Variants in NKTR observed in about 807,000 individuals in gnomAD.
NKTR encodes the protein NK-tumor recognition protein.
A neutral mutation model predicts 156.3 loss-of-function variants in NKTR; 67 were observed. That is an observed-to-expected ratio of 0.43 (90% CI 0.35 to 0.53). The LOEUF is 0.53. Among genes scored for constraint, NKTR ranks in the 20% least tolerant of loss-of-function variants. The pLI, the probability that NKTR is intolerant of heterozygous loss-of-function variation, is 0.01. For synonymous variants in NKTR, 640 were observed against 596.6 expected (o/e 1.07, Z -1.06); for missense variants, 1,604 against 1,730.9 (o/e 0.93, Z 1.30).
At chr3:42,622,931 T>G (rs1385510380) in intron 6 of NKTR, among the ~76,000 whole-genome samples, 4 of 152,158 alleles carry the variant, frequency 2.6e-5, no homozygotes, top group Non-Finnish European at 4.4e-5. Context: ...TAGATTTCCT[T>G]TTTTATATCA....
chr3:42,639,339 A>T lies in NKTR; in HGVS notation c.3635A>T (p.Glu1212Val). ...GCTGGAGAAAGTACCGGGAAGAAGG[A>T]GGTGGCTGAGAAGAGCCAGATCAAC... ...ASAGESTGKKEVAEKSQINLI... is the reference protein window; with the variant it reads ...ASAGESTGKKVVAEKSQINLI... Residue 1212 changes from glutamate (E) to valine (V), a missense_variant, in exon 13 of 17, where the codon GAG (glutamate) becomes GTG (valine). Transcript: ENST00000232978. 1 of 1,614,126 alleles carries T rather than the reference A, an allele frequency of 6.2e-7. No homozygotes were observed. The highest frequency in any genetic ancestry group is 1.1e-5 in the South Asian group (1 of 91,078).
chr3:42,618,696 G>A (rs114351646), intron 3 of NKTR, among the ~76,000 whole-genome samples: 4,929 of 152,054 alleles, frequency 0.032, 128 homozygotes, highest in East Asian at 0.11. Context: ...GATCTGCCTC[G>A]GCCTCCCAAA....
At chr3:42,601,377 T>G (rs1331303661) in intron 2 of NKTR, 3 of 236,348 alleles carry the variant, frequency 1.3e-5, no homozygotes, top group Non-Finnish European at 8.2e-6. Flanking sequence ...AGTGTCTCCG[T>G]GAGGCAGACA....
In NKTR at chr3:42,637,585, G is replaced by A; in HGVS notation, c.1881G>A (p.Lys627=). Residue 627 remains lysine (K), a synonymous_variant, in exon 13 of 17, where the codon AAG becomes AAA. Transcript: ENST00000232978. ...SRWKPGQKPW[K]PSYERIQEMK... is the part of the protein sequence containing the mutation. ...GGAAGCCTGGACAGAAACCTTGGAA[G>A]CCCTCTTATGAGCGAATTCAGGAAA... 1 of 1,610,754 alleles carries A rather than the reference G, an allele frequency of 6.2e-7. No individual in the cohort carries two copies. The highest frequency in any genetic ancestry group is 8.5e-7 in the Non-Finnish European group (1 of 1,179,132).
intron 6 of NKTR, among the ~76,000 whole-genome samples, 198 bp downstream of exon 6, chr3:42,621,714 G>T (rs1707920958): frequency 1.3e-5 from 2 of 151,740 alleles, no homozygotes; most frequent in Admixed American, 1.3e-4. Flanking sequence ...GGAAGAATGG[G>T]ACTTAAAAAA....
Position 42,617,577 on chromosome 3 carries a change from C to A in NKTR, c.66C>A (p.Arg22=). 1 of 1,583,712 alleles carries A rather than the reference C, an allele frequency of 6.3e-7. No homozygotes were observed. Among genetic ancestry groups the A allele is most frequent in the Non-Finnish European group, 8.7e-7 (1 of 1,153,094 alleles). Residue 22 remains arginine, a synonymous_variant, in exon 3 of 17, where the codon CGC becomes CGA. Coordinates refer to ENST00000232978, the MANE Select transcript of NKTR (RefSeq NM_005385.4). ...CTATGTATTTTATTTCAGTTGGTCG[C>A]ATTATGTTTCAGCTCTTCTCAGACA... is the stretch of plus-strand genomic sequence containing the variant. ...DIEINREPVG[R]IMFQLFSDIC... is the part of the protein sequence containing the mutation.
intron 13 of NKTR, among the ~76,000 whole-genome samples, chr3:42,641,891 T>A (rs1167432270): frequency 6.8e-6 from 1 of 148,128 alleles, no homozygotes. Flanking sequence ...AAAAAAAAAA[T>A]AGAGCTTTGA....
chr3:42,639,044 A>G lies in NKTR; in HGVS notation c.3340A>G (p.Ser1114Gly). ...ACAAAACATTCAGCACGTTGAAGAA[A>G]GTGTTCCCAATGGAGTGGAAGATGT... ...CLQNIQHVEE[S>G]VPNGVEDVLQ... Residue 1114 changes from serine (S) to glycine (G), a missense_variant, in exon 13 of 17, where the codon AGT becomes GGT. Ser to Gly is a moderately conservative substitution (Grantham distance 56). Coordinates refer to ENST00000232978, the MANE Select transcript of NKTR (RefSeq NM_005385.4). 1 of 1,614,108 alleles carries G rather than the reference A, an allele frequency of 6.2e-7. No individual in the cohort carries two copies. The highest frequency in any genetic ancestry group is 2.2e-5 in the East Asian group (1 of 44,874).
intron 6 of NKTR, chr3:42,628,139 T>C: frequency 1.0e-6 from 1 of 983,790 alleles, no homozygotes; most frequent in Non-Finnish European, 1.2e-6. Flanking sequence ...TTTAGTATTC[T>C]TAATATGTAA....
chr3:42,637,154 AG>A lies in NKTR; in HGVS notation c.1451del (p.Ser484IlefsTer28), dbSNP rs1263902205. ...GAAATCCTCTTGTGATAGAGAAAGG[AG>A]TTCTCGTTCTTCCTCATTGTCATCT... ...RMKSSCDRERSSRSSSLSSHH... is the reference protein window; with the variant it reads ...RMKSSCDRERXSRSSSLSSHH... On this transcript the variant is annotated frameshift_variant, in exon 13 of 17. Coordinates refer to ENST00000232978, the MANE Select transcript of NKTR (RefSeq NM_005385.4). LOFTEE classifies it high-confidence loss of function. 2 of 1,612,220 alleles carry A rather than the reference AG, an allele frequency of 1.2e-6. No individual in the cohort carries two copies. Among genetic ancestry groups the A allele is most frequent in the Non-Finnish European group, 1.7e-6 (2 of 1,179,510 alleles).
chr3:42,643,443 C>G (rs781166642), intron 15 of NKTR, 48 bp downstream of exon 15: 26 of 1,458,232 alleles, frequency 1.8e-5, no homozygotes, highest in Non-Finnish European at 2.5e-5. Flanking sequence ...ACTGAAAGAT[C>G]TTGTTTTGTA....
chr3:42,621,736 T>C (rs995153897), intron 6 of NKTR, among the ~76,000 whole-genome samples: 3 of 152,040 alleles, frequency 2.0e-5, no homozygotes, highest in East Asian at 3.9e-4. Context: ...TTAAAACTTA[T>C]ACATTGTTTT....
intron 2 of NKTR, 82 bp from the exon 3 acceptor site, chr3:42,617,488 T>C: frequency 2.9e-6 from 2 of 690,682 alleles, no homozygotes; most frequent in South Asian, 1.7e-5. Context: ...ACTTTCTAAT[T>C]TGTTAGCCCT....
At chr3:42,617,433 T>C (rs1342543616) in intron 2 of NKTR, 137 bp from the exon 3 acceptor site, 9 of 559,962 alleles carry the variant, frequency 1.6e-5, no homozygotes, top group Non-Finnish European at 2.9e-5. Context: ...GTTAAATGCT[T>C]TCCCATTACA....
chr3:42,622,404 A>G (rs1707998947), intron 6 of NKTR, among the ~76,000 whole-genome samples: 1 of 152,078 alleles, frequency 6.6e-6, no homozygotes, highest in African/African-American at 2.4e-5. Flanking sequence ...GAAATATTTC[A>G]TTAATAATTT....
chr3:42,626,104 C>T (rs1275572556), intron 6 of NKTR, among the ~76,000 whole-genome samples: 1 of 151,534 alleles, frequency 6.6e-6, no homozygotes, highest in African/African-American at 2.4e-5. Context: ...ATGTTAAAAG[C>T]TAAAGTGGAC....
chr3:42,632,611 A>T lies in NKTR; in HGVS notation c.561A>T (p.Lys187Asn). 1 of 1,598,354 alleles carries T rather than the reference A, an allele frequency of 6.3e-7. No homozygotes were observed. Among genetic ancestry groups the T allele is most frequent in the Non-Finnish European group, 8.5e-7 (1 of 1,175,290 alleles). The change falls in exon 9 of 17, where the codon AAA becomes AAT. Residue 187 changes from lysine to asparagine, a missense_variant. Transcript: ENST00000232978. ...ATKSIKDVFE[K>N]KRKKPTHSEG... The stretch of plus-strand genomic sequence containing the variant: ...AATGTTTCTTAAAAGTTTTTGAGAA[A>T]AAAAGGAAGAAACCAACTCATTCAG...
Position 42,637,135 on chromosome 3 carries a change from C to T in NKTR, c.1431C>T (p.Ser477=), listed in dbSNP as rs924049239. The change falls in exon 13 of 17, where the codon TCC becomes TCT. Residue 477 remains serine (S), a synonymous_variant. Coordinates refer to ENST00000232978, the MANE Select transcript of NKTR (RefSeq NM_005385.4). ...SSKSSTRRMK[S]SCDRERSSRS... ...AATCTTCCACTCGAAGAATGAAATC[C>T]TCTTGTGATAGAGAAAGGAGTTCTC... 19 of 1,609,976 alleles carry T rather than the reference C, an allele frequency of 1.2e-5. No individual in the cohort carries two copies. The highest frequency in any genetic ancestry group is 1.7e-5 in the Admixed American group (1 of 58,944).
intron 6 of NKTR, among the ~76,000 whole-genome samples, chr3:42,626,939 T>C (rs1559570145): frequency 3.3e-5 from 5 of 152,124 alleles, no homozygotes; most frequent in East Asian, 1.9e-4. Context: ...ATAGCTATTA[T>C]TGGCACTCTA....
Sources: gnomAD v4.1 joint callset for allele counts (sites outside exome capture counted in the v4.1 genomes callset) on GRCh38, gnomAD v4.1.1 for gene constraint, MANE v1.5 for transcripts, NCBI Gene and HGNC (gene_info 2026-07-23, HGNC 2026-07-21) for gene names.